The following SLC4A4 variants were observed in gnomAD, a reference collection of about 807,000 sequenced individuals.
The protein encoded by SLC4A4 is electrogenic sodium bicarbonate cotransporter 1.
SLC4A4 carries 27 observed loss-of-function variants against 111.5 expected under a neutral mutation model. The ratio of observed to expected loss-of-function variants is 0.24; its 90% CI spans 0.18 to 0.33. The LOEUF is 0.33. SLC4A4 is among the 10% of genes least tolerant of loss of function. The pLI is 1.00. For synonymous variants in SLC4A4, 443 were observed against 463.4 expected (o/e 0.96, Z 0.57); for missense variants, 909 against 1,315.5 (o/e 0.69, Z 4.78).
At chr4:71,504,264 C>G (rs778447837) in intron 16 of SLC4A4, among the ~76,000 whole-genome samples, 3 of 152,078 alleles carry the variant, frequency 2.0e-5, no homozygotes, top group Non-Finnish European at 4.4e-5. Context: ...TTTTATTTGT[C>G]TCTTCTTTCA....
intron 3 of SLC4A4, among the ~76,000 whole-genome samples, chr4:71,332,188 T>G (rs1476738055): frequency 2.0e-5 from 3 of 152,138 alleles, no homozygotes; most frequent in Non-Finnish European, 4.4e-5. Flanking sequence ...TGATCTTTAT[T>G]ATTTTTCTTC....
chr4:71,503,561 C>T (rs1446886999), intron 16 of SLC4A4, among the ~76,000 whole-genome samples: 4 of 152,014 alleles, frequency 2.6e-5, no homozygotes, highest in East Asian at 3.9e-4. Context: ...ACTTTGGTCA[C>T]GTTAAAATAC....
rs188602359 is a variant in SLC4A4 at position 71,243,509 on chromosome 4, G to T, written c.73+6860G>T. 5.8e-4 allele frequency among the ~76,000 whole-genome samples: 89 copies of T among 152,204 alleles called. 1 individual carries two copies. Among genetic ancestry groups the T allele is most frequent in the East Asian group, 1.5e-3 (8 of 5,168 alleles). The stretch of plus-strand genomic sequence containing the variant: ...TCTTGTTGCTGTCATGAGCTTGCTG[G>T]TGAGATTTTATTTTATTTTGTTTTA... On this transcript the variant is annotated intron_variant, in intron 2 of 25. Coordinates refer to ENST00000264485, the MANE Select transcript of SLC4A4 (RefSeq NM_001098484.3).
At chr4:71,484,297 A>G (rs189453689) in intron 14 of SLC4A4, among the ~76,000 whole-genome samples, 165 of 151,862 alleles carry the variant, frequency 1.1e-3, no homozygotes, top group African/African-American at 3.7e-3. Flanking sequence ...TAGGGTTTTT[A>G]TAGTCTTGGG....
At position 71,560,021 on chromosome 4, in the gene SLC4A4, G is replaced by A. The variant is rs148873122; in HGVS notation, c.2938-72G>A. 3.4e-6 allele frequency: 4 copies of A among 1,176,548 alleles called. No homozygotes were observed. The East Asian group carries it at 7.0e-5, about 21-fold the overall frequency. 72.9% of individuals were successfully genotyped at this position (1,176,548 alleles called of 1,614,324 possible). On this transcript the variant is annotated intron_variant, in intron 22 of 25. Transcript: ENST00000264485. ...AAGTAGGTTTCTGTGGTCTTTGATA[G>A]GAGAGTATCTATGCTTGCTGTGACT...
rs369970583 is a variant in SLC4A4 at position 71,466,966 on chromosome 4, G to GAGAGAGAGAGAGA, written c.1631+389_1631+390insAGAGAGAGAGAGA. On this transcript the variant is annotated intron_variant, in intron 13 of 25. Transcript: ENST00000264485. ...GAGAGAGAGAGAGAGAGAGAGAGAG[G>GAGAGAGAGAGAGA]GAGAGAGAGAGAGGTCTGAGTATGT... 5.2e-3 allele frequency among the ~76,000 whole-genome samples: 457 copies of GAGAGAGAGAGAGA among 88,330 alleles called. 37 individuals are homozygous for GAGAGAGAGAGAGA. Among genetic ancestry groups the GAGAGAGAGAGAGA allele is most frequent in the East Asian group, 0.041 (95 of 2,304 alleles). 57.9% of individuals were successfully genotyped at this position (88,330 alleles called of 152,430 possible). A position where few individuals can be genotyped will look rare whatever the true frequency, so the allele number is the denominator to read the frequency against.
At chr4:71,473,031 A>G (rs766311197) in intron 14 of SLC4A4, 61 bp downstream of exon 14, 3 of 1,583,248 alleles carry the variant, frequency 1.9e-6, no homozygotes, top group Non-Finnish European at 2.6e-6. Flanking sequence ...TGTAGGCTCC[A>G]TGCTTGCAAA....
intron 2 of SLC4A4, among the ~76,000 whole-genome samples, chr4:71,180,975 A>G (rs1166186517): frequency 6.6e-6 from 1 of 152,130 alleles, no homozygotes; most frequent in African/African-American, 2.4e-5. Flanking sequence ...CAAATGTCCA[A>G]CAATGATAGA....
intron 18 of SLC4A4, among the ~76,000 whole-genome samples, chr4:71,540,586 T>C (rs895161823): frequency 1.3e-5 from 2 of 152,130 alleles, no homozygotes; most frequent in Non-Finnish European, 2.9e-5. Flanking sequence ...GTGTTAGATG[T>C]TGAAGATAAA....
chr4:71,063,991 GTCCT>G (rs2148927127), intron 1 of SLC4A4, among the ~76,000 whole-genome samples: 1 of 152,022 alleles, frequency 6.6e-6, no homozygotes, highest in African/African-American at 2.4e-5. Flanking sequence ...GGACCTAAAG[GTCCT>G]TTGATTATTA....
intron 3 of SLC4A4, among the ~76,000 whole-genome samples, chr4:71,257,969 T>C (rs909683233): frequency 1.3e-4 from 20 of 152,214 alleles, no homozygotes; most frequent in African/African-American, 4.8e-4. Context: ...CAGGGAATCA[T>C]CACCTCTTGC....
At chr4:71,215,903 A>ATTTT (rs990635246) in intron 1 of SLC4A4, among the ~76,000 whole-genome samples, 1 of 127,870 alleles carries the variant, frequency 7.8e-6, no homozygotes, top group Non-Finnish European at 1.7e-5. Context: ...TGTCATTTCT[A>ATTTT]TTTTTTTTTT....
intron 13 of SLC4A4, among the ~76,000 whole-genome samples, chr4:71,467,229 GC>G (rs1449890663): frequency 6.6e-6 from 1 of 151,942 alleles, no homozygotes; most frequent in Non-Finnish European, 1.5e-5. Flanking sequence ...TCTATTTCCT[GC>G]CATAATCCTG....
Position 71,466,452 on chromosome 4 carries a change from G to A in SLC4A4, c.1506G>A (p.Leu502=). The change falls in exon 13 of 26, where the codon TTG becomes TTA. Residue 502 remains leucine (L), a synonymous_variant. Transcript: ENST00000264485. ...GDATDNMQGV[L]ESFLGTAVSG... is the part of the protein sequence containing the mutation. ...TATTTTCTTTATTTTAGGGCGTGTT[G>A]GAGAGTTTCCTGGGCACTGCTGTCT... The A allele has an allele frequency of 1.2e-6, 2 of 1,613,580 alleles. No homozygotes were observed. Among genetic ancestry groups the A allele is most frequent in the African/African-American group, 1.3e-5 (1 of 74,986 alleles).
At chr4:71,242,973 C>T (rs1720369763) in intron 2 of SLC4A4, among the ~76,000 whole-genome samples, 1 of 152,122 alleles carries the variant, frequency 6.6e-6, no homozygotes, top group African/African-American at 2.4e-5. Context: ...TCATTCTCAT[C>T]CTTTAAGCTC....
chr4:71,131,919 G>A (rs1486974914), intron 2 of SLC4A4, among the ~76,000 whole-genome samples: 3 of 152,066 alleles, frequency 2.0e-5, no homozygotes, highest in African/African-American at 4.8e-5. Context: ...GGAGCTTCCT[G>A]TACCATTGTT....
At chr4:71,415,062 C>T (rs1231814588) in intron 7 of SLC4A4, among the ~76,000 whole-genome samples, 1 of 152,200 alleles carries the variant, frequency 6.6e-6, no homozygotes, top group African/African-American at 2.4e-5. Flanking sequence ...CCCATGCTCA[C>T]CTCAGTCTGC....
chr4:71,498,423 G>A (rs150200333), intron 16 of SLC4A4, among the ~76,000 whole-genome samples: 6 of 152,202 alleles, frequency 3.9e-5, no homozygotes, highest in African/African-American at 1.4e-4. Context: ...TGTTTAGGAT[G>A]TCAGTATTTC....
chr4:71,440,480 C>T, intron 7 of SLC4A4, 136 bp from the exon 8 acceptor site: 1 of 872,200 alleles, frequency 1.1e-6, no homozygotes, highest in Non-Finnish European at 1.9e-6. Flanking sequence ...GAACATGTTG[C>T]ATGTCAATTT....
Sources: gnomAD v4.1 joint callset for allele counts (sites outside exome capture counted in the v4.1 genomes callset) on GRCh38, gnomAD v4.1.1 for gene constraint, MANE v1.5 for transcripts, NCBI Gene and HGNC (gene_info 2026-07-23, HGNC 2026-07-21) for gene names.